Variants in DIAPH3 observed in about 807,000 individuals in gnomAD.
DIAPH3 encodes diaphanous related formin 3.
Under a neutral mutation model 144.3 loss-of-function variants are expected in DIAPH3, and 117 were observed. The observed-to-expected ratio is 0.81, with a 90% confidence interval of 0.70 to 0.95. The LOEUF (loss-of-function observed/expected upper bound fraction) is 0.95. Ranked by LOEUF, DIAPH3 falls within the 40% of genes least tolerant of loss-of-function variation. The pLI, the probability that DIAPH3 is intolerant of heterozygous loss-of-function variation, is 0.00. For synonymous variants in DIAPH3, 519 were observed against 488.9 expected, an observed-to-expected ratio of 1.06 and a Z score of -0.81; for missense variants, 1,421 against 1,412.7, an observed-to-expected ratio of 1.01 and a Z score of -0.09.
chr13:59,833,864 C>T (rs561914141), intron 23 of DIAPH3, among the ~76,000 whole-genome samples: 20 of 151,728 alleles, frequency 1.3e-4, no homozygotes, highest in African/African-American at 4.8e-4. Flanking sequence ...TTTAGTAGCA[C>T]ACAAAAATAC....
chr13:60,042,800 T>C lies in DIAPH3; in HGVS notation c.516A>G (p.Arg172=). 1 of 1,613,644 alleles carries C rather than the reference T, an allele frequency of 6.2e-7. No homozygotes were observed. Among genetic ancestry groups the C allele is most frequent in the Non-Finnish European group, 8.5e-7 (1 of 1,179,674 alleles). The change falls in exon 5 of 28, where the codon CGA becomes CGG. Residue 172 remains arginine, a synonymous_variant. Transcript: ENST00000400324. ...GAATGAATTCCTGAGGTGAGATCTG[T>C]CGGCTTCTCTTAAGACTTCCCTATA... ...ASKTGSLKRS[R]QISPQEFIHE...
chr13:60,084,427 CAT>C (rs966551856), intron 4 of DIAPH3, among the ~76,000 whole-genome samples: 6 of 151,966 alleles, frequency 3.9e-5, no homozygotes, highest in African/African-American at 1.4e-4. Flanking sequence ...ACCATTCCCT[CAT>C]GTGCAAAATT....
intron 27 of DIAPH3, among the ~76,000 whole-genome samples, chr13:59,688,111 AAAG>A (rs1371789966): frequency 6.6e-6 from 1 of 152,094 alleles, no homozygotes; most frequent in Non-Finnish European, 1.5e-5. Context: ...TGAGAGATTA[AAAG>A]AAGAAGGAAA....
intron 7 of DIAPH3, 96 bp from the exon 8 acceptor site, chr13:60,010,765 C>T: frequency 1.7e-6 from 2 of 1,206,730 alleles, no homozygotes; most frequent in East Asian, 5.0e-5. Context: ...ATTTATAGGA[C>T]ATTTTTACAC....
chr13:59,714,229 G>A (rs897089396), intron 27 of DIAPH3, among the ~76,000 whole-genome samples: 79 of 150,650 alleles, frequency 5.2e-4, no homozygotes, highest in Admixed American at 1.1e-3. Flanking sequence ...GCGTAGTGGC[G>A]GGCGCCTGTA....
intron 5 of DIAPH3, among the ~76,000 whole-genome samples, chr13:60,037,583 A>C (rs565250825): frequency 3.3e-5 from 5 of 152,140 alleles, no homozygotes; most frequent in Non-Finnish European, 7.4e-5. Flanking sequence ...AAATAAAATA[A>C]GAAATTAAAT....
At chr13:59,723,993 C>T (rs1373257262) in intron 27 of DIAPH3, among the ~76,000 whole-genome samples, 2 of 149,490 alleles carry the variant, frequency 1.3e-5, no homozygotes, top group Admixed American at 6.7e-5. Context: ...ATATGATTGG[C>T]TGTCACTATG....
chr13:59,902,380 C>A (rs1475161379), intron 20 of DIAPH3, among the ~76,000 whole-genome samples: 2 of 152,160 alleles, frequency 1.3e-5, no homozygotes, highest in African/African-American at 4.8e-5. Context: ...GTTTCCCCTA[C>A]ACCTTCCACC....
At chr13:59,714,637 C>T (rs994031441) in intron 27 of DIAPH3, among the ~76,000 whole-genome samples, 1 of 152,020 alleles carries the variant, frequency 6.6e-6, no homozygotes, top group Non-Finnish European at 1.5e-5. Context: ...AATAAGATGC[C>T]ACATCCTCAA....
intron 19 of DIAPH3, among the ~76,000 whole-genome samples, chr13:59,915,729 C>A (rs1048596900): frequency 6.6e-6 from 1 of 152,016 alleles, no homozygotes; most frequent in Non-Finnish European, 1.5e-5. Flanking sequence ...GCCCAAATGA[C>A]TCTAAGAAGA....
At chr13:59,676,597 T>G (rs1733357562) in intron 27 of DIAPH3, among the ~76,000 whole-genome samples, 1 of 152,196 alleles carries the variant, frequency 6.6e-6, no homozygotes, top group African/African-American at 2.4e-5. Flanking sequence ...AGGTGCTAAG[T>G]TTTTGAAACA....
chr13:59,909,308 T>G (rs895277682), intron 20 of DIAPH3, among the ~76,000 whole-genome samples: 1 of 151,552 alleles, frequency 6.6e-6, no homozygotes, highest in Non-Finnish European at 1.5e-5. Context: ...TTTCAGACAT[T>G]CCAGACTGTC....
intron 7 of DIAPH3, among the ~76,000 whole-genome samples, chr13:60,011,314 C>T (rs986250898): frequency 4.6e-5 from 7 of 151,956 alleles, no homozygotes; most frequent in African/African-American, 9.7e-5. Context: ...CAGCCAGATA[C>T]GGAACCAGAC....
At chr13:59,976,917 G>GC (rs1366000866) in intron 14 of DIAPH3, among the ~76,000 whole-genome samples, 1 of 151,766 alleles carries the variant, frequency 6.6e-6, no homozygotes, top group Non-Finnish European at 1.5e-5. Flanking sequence ...TACAAGATTT[G>GC]TTTTTTGAAT....
chr13:59,908,393 A>AAAG (rs1555331342), intron 20 of DIAPH3, among the ~76,000 whole-genome samples: 3,810 of 109,956 alleles, frequency 0.035, 341 homozygotes, highest in Admixed American at 0.055. Flanking sequence ...AAAAAAAAAA[A>AAAG]AGTAAGACAT....
intron 4 of DIAPH3, among the ~76,000 whole-genome samples, chr13:60,081,847 G>A (rs571747165): frequency 1.3e-5 from 2 of 152,160 alleles, no homozygotes; most frequent in South Asian, 2.1e-4. Context: ...GAAGGAGTAT[G>A]AGTGACTACA....
chr13:60,082,505 T>C (rs1248226170), intron 4 of DIAPH3, among the ~76,000 whole-genome samples: 1 of 151,852 alleles, frequency 6.6e-6, no homozygotes, highest in Non-Finnish European at 1.5e-5. Flanking sequence ...AAGTTAGTTA[T>C]CAGCTGACCT....
intron 27 of DIAPH3, among the ~76,000 whole-genome samples, chr13:59,735,100 T>C (rs1175377904): frequency 6.6e-6 from 1 of 151,626 alleles, no homozygotes; most frequent in African/African-American, 2.4e-5. Flanking sequence ...ATAAGACTTC[T>C]TGAAAAACAG....
chr13:59,996,620 A>G (rs183326894), intron 9 of DIAPH3, among the ~76,000 whole-genome samples: 8 of 152,160 alleles, frequency 5.3e-5, no homozygotes, highest in Non-Finnish European at 1.0e-4. Flanking sequence ...CAAAAAGGTA[A>G]TGACAAAGAG....
Sources: allele counts gnomAD v4.1 joint callset (sites outside exome capture counted in the v4.1 genomes callset), GRCh38; gene constraint gnomAD v4.1.1; transcripts MANE v1.5; gene names NCBI Gene and HGNC (gene_info 2026-07-23, HGNC 2026-07-21).